Variants in AUTS2 observed in about 807,000 individuals in gnomAD.
AUTS2 encodes autism susceptibility gene 2 protein.
AUTS2 carries 17 observed loss-of-function variants against 112.4 expected under a neutral mutation model. That is an observed-to-expected ratio of 0.15 (90% confidence interval 0.10 to 0.23). AUTS2 has a LOEUF of 0.23. Among genes scored for constraint, AUTS2 ranks in the 10% least tolerant of loss-of-function variants. The pLI, the probability that AUTS2 is intolerant of heterozygous loss-of-function variation, is 1.00. For missense variants in AUTS2, 1,510 were observed against 1,701.6 expected, an observed-to-expected ratio of 0.89 and a Z score of 1.98; for synonymous variants, 751 against 702.7, an observed-to-expected ratio of 1.07 and a Z score of -1.09.
chr7:69,823,818 A>G (rs551591319), intron 1 of AUTS2, among the ~76,000 whole-genome samples: 2 of 152,300 alleles, frequency 1.3e-5, no homozygotes, highest in South Asian at 4.1e-4. Flanking sequence ...CCCAGGGAAA[A>G]TGTAAACGTT....
intron 2 of AUTS2, among the ~76,000 whole-genome samples, chr7:70,028,765 A>T (rs1480900483): frequency 6.6e-6 from 1 of 152,132 alleles, no homozygotes; most frequent in East Asian, 1.9e-4. Context: ...TCTGATTTCA[A>T]TCTGTTACTT....
intron 1 of AUTS2, among the ~76,000 whole-genome samples, chr7:69,808,357 T>A (rs2129524446): frequency 6.6e-6 from 1 of 152,372 alleles, no homozygotes; most frequent in East Asian, 1.9e-4. Context: ...TTCTCTCAAA[T>A]GATTTTTATA....
At chr7:70,003,254 A>T (rs1799299730) in intron 2 of AUTS2, among the ~76,000 whole-genome samples, 1 of 125,182 alleles carries the variant, frequency 8.0e-6, no homozygotes, top group Non-Finnish European at 1.6e-5. Flanking sequence ...ATTATATATG[A>T]ATATATAATA....
chr7:70,092,298 G>A (rs1187761535), intron 2 of AUTS2, among the ~76,000 whole-genome samples: 7 of 151,968 alleles, frequency 4.6e-5, no homozygotes, highest in Non-Finnish European at 8.8e-5. Context: ...TCTGCACTTG[G>A]TATCAGAGGA....
At chr7:70,058,806 G>A (rs901330421) in intron 2 of AUTS2, among the ~76,000 whole-genome samples, 5 of 152,014 alleles carry the variant, frequency 3.3e-5, no homozygotes, top group Admixed American at 6.6e-5. Context: ...AGTGTATCCC[G>A]TTTTATGTAG....
intron 5 of AUTS2, among the ~76,000 whole-genome samples, chr7:70,468,341 C>T (rs1254181834): frequency 6.6e-6 from 1 of 152,178 alleles, no homozygotes; most frequent in African/African-American, 2.4e-5. Context: ...CCAGAGAAAG[C>T]AGAGAGGTTC....
chr7:70,552,448 G>GATTT (rs1040746619), intron 5 of AUTS2, among the ~76,000 whole-genome samples: 24 of 152,174 alleles, frequency 1.6e-4, no homozygotes, highest in Non-Finnish European at 3.2e-4. Context: ...GATTTAGAAA[G>GATTT]ATTTAAGGAA....
At chr7:70,776,829 C>G (rs983460561) in intron 13 of AUTS2, 24 of 480,500 alleles carry the variant, frequency 5.0e-5, no homozygotes, top group Non-Finnish European at 8.3e-5. Flanking sequence ...GGGATTCAGG[C>G]TTTTGCCGTC....
chr7:69,782,751 G>A (rs1789196817), intron 1 of AUTS2, among the ~76,000 whole-genome samples: 2 of 152,084 alleles, frequency 1.3e-5, no homozygotes, highest in African/African-American at 2.4e-5. Context: ...GGAGCAATAT[G>A]TTATGTTACC....
intron 5 of AUTS2, among the ~76,000 whole-genome samples, chr7:70,454,093 G>A (rs974354861): frequency 4.6e-5 from 7 of 152,146 alleles, no homozygotes; most frequent in African/African-American, 9.7e-5. Flanking sequence ...AGAAAGAGGC[G>A]GAGGACATAG....
In AUTS2 at chr7:70,652,582, T is replaced by G. The variant is rs1806564261; in HGVS notation, c.691-45987T>G. On this transcript the variant is annotated intron_variant, in intron 5 of 18. Transcript: ENST00000342771. ...AAGTCATAGAAAATTGTGGTAGCCC[T>G]GAATTTTCAAGAATGGTTTTGGCCA... Among the ~76,000 whole-genome samples, 5 of 152,182 alleles carry G rather than the reference T, an allele frequency of 3.3e-5. No individual in the cohort carries two copies. In the South Asian group the frequency reaches 1.0e-3, roughly 31 times the overall value.
At chr7:70,135,505 A>C (rs1806507225) in intron 4 of AUTS2, among the ~76,000 whole-genome samples, 1 of 152,190 alleles carries the variant, frequency 6.6e-6, no homozygotes, top group Non-Finnish European at 1.5e-5. Context: ...GTTGCTTTTA[A>C]CTTTTCTCTC....
At chr7:69,834,394 G>A (rs1442803346) in intron 1 of AUTS2, among the ~76,000 whole-genome samples, 1 of 152,190 alleles carries the variant, frequency 6.6e-6, no homozygotes, top group East Asian at 1.9e-4. Context: ...CCTGAATAAA[G>A]GAAAGGCAGG....
intron 4 of AUTS2, among the ~76,000 whole-genome samples, chr7:70,336,310 TC>T (rs1329460302): frequency 2.0e-5 from 3 of 152,212 alleles, no homozygotes; most frequent in Non-Finnish European, 4.4e-5. Flanking sequence ...ATGTTTCTGT[TC>T]CCACAGGACA....
intron 5 of AUTS2, among the ~76,000 whole-genome samples, chr7:70,651,613 G>A (rs1180826318): frequency 6.6e-6 from 1 of 152,134 alleles, no homozygotes; most frequent in African/African-American, 2.4e-5. Context: ...ATTGAATACT[G>A]TACTGAAAGT....
chr7:70,332,895 T>C (rs916847487), intron 4 of AUTS2, among the ~76,000 whole-genome samples: 1 of 152,084 alleles, frequency 6.6e-6, no homozygotes, highest in East Asian at 1.9e-4. Context: ...ATTCAGGACA[T>C]AGACATGGGC....
At chr7:70,746,525 A>G in intron 6 of AUTS2, among the ~76,000 whole-genome samples, 1 of 152,236 alleles carries the variant, frequency 6.6e-6, no homozygotes, top group Non-Finnish European at 1.5e-5. Context: ...TATAAGAAAC[A>G]TAATGTGTTG....
chr7:70,518,361 G>A (rs962649947), intron 5 of AUTS2, among the ~76,000 whole-genome samples: 3 of 152,098 alleles, frequency 2.0e-5, no homozygotes, highest in Non-Finnish European at 2.9e-5. Flanking sequence ...GTCACAGTGG[G>A]ATGAATGAAG....
chr7:70,514,401 G>T (rs1799330252), intron 5 of AUTS2, among the ~76,000 whole-genome samples: 1 of 152,204 alleles, frequency 6.6e-6, no homozygotes, highest in Admixed American at 6.5e-5. Context: ...GCATATGCTT[G>T]GCTTCTGGTG....
Sources: gnomAD v4.1 joint callset for allele counts (sites outside exome capture counted in the v4.1 genomes callset) on GRCh38, gnomAD v4.1.1 for gene constraint, MANE v1.5 for transcripts, NCBI Gene and HGNC (gene_info 2026-07-23, HGNC 2026-07-21) for gene names.